The following GALNTL5 variants were observed in gnomAD, a reference collection of about 807,000 sequenced individuals.
GALNTL5 encodes the protein polypeptide N-acetylgalactosaminyltransferase like 5, also known as inactive polypeptide N-acetylgalactosaminyltransferase-like protein 5.
A neutral mutation model predicts 51.0 loss-of-function variants in GALNTL5; 44 were observed. That is an observed-to-expected ratio of 0.86 (90% CI 0.68 to 1.11). The LOEUF is 1.11. GALNTL5 is among the 50% of genes least tolerant of loss of function. The pLI is 0.00. For missense variants in GALNTL5, 528 were observed against 531.8 expected (o/e 0.99, Z 0.07); for synonymous variants, 192 against 182.8 (o/e 1.05, Z -0.41).
At chr7:151,995,509 G>A (rs574349118) in intron 5 of GALNTL5, among the ~76,000 whole-genome samples, 1 of 150,054 alleles carries the variant, frequency 6.7e-6, no homozygotes, top group Non-Finnish European at 1.5e-5. Flanking sequence ...GAGAGAAGGA[G>A]TTTTTTTTTC....
chr7:151,981,022 G>A (rs111642048), intron 3 of GALNTL5, among the ~76,000 whole-genome samples: 3,387 of 152,124 alleles, frequency 0.022, 130 homozygotes, highest in African/African-American at 0.076. Context: ...TGGGATTACA[G>A]GCTTGAGCCA....
intron 3 of GALNTL5, among the ~76,000 whole-genome samples, chr7:151,978,726 C>T (rs960421237): frequency 9.9e-5 from 15 of 152,182 alleles, no homozygotes; most frequent in Admixed American, 9.2e-4. Flanking sequence ...AGGCTCTGTT[C>T]CAGACGTCTC....
In GALNTL5 at chr7:151,967,294, T is replaced by C; in HGVS notation, c.48T>C (p.Phe16=). Residue 16 remains phenylalanine (F), a synonymous_variant, in exon 2 of 9, where the codon TTT becomes TTC. Coordinates refer to ENST00000392800, the MANE Select transcript of GALNTL5 (RefSeq NM_145292.4). ...IQGLFYGSLT[F]GIWTALLFIY... is the part of the protein sequence containing the mutation. ...GTTTATTCTATGGGTCCTTGACATT[T>C]GGGATCTGGACAGCTCTGTTATTCA... 6.2e-7 allele frequency: 1 copy of C among 1,614,020 alleles called. No individual in the cohort carries two copies. The highest frequency in any genetic ancestry group is 1.1e-5 in the South Asian group (1 of 91,078).
At chr7:151,976,907 A>T (rs2081213815) in intron 3 of GALNTL5, among the ~76,000 whole-genome samples, 1 of 152,104 alleles carries the variant, frequency 6.6e-6, no homozygotes. Context: ...ACCTCAGGTG[A>T]TCCAACCACC....
In GALNTL5 at chr7:152,018,459, A is replaced by AT. The variant is rs1008567824; in HGVS notation, c.1177-1177dup. Among the ~76,000 whole-genome samples, 12 of 150,274 alleles carry AT rather than the reference A, an allele frequency of 8.0e-5. No homozygotes were observed. The South Asian group carries it at 1.3e-3, about 16-fold the overall frequency. On this transcript the variant is annotated intron_variant, in intron 8 of 8. Transcript: ENST00000392800. ...CTTGAGCTTATTTTCATGTTTGTTGATTTTTTTTTTCTGTGAACGCTGGTC... is the reference window on the plus strand; with the variant it reads ...CTTGAGCTTATTTTCATGTTTGTTGATTTTTTTTTTTCTGTGAACGCTGGTC...
At chr7:151,993,118 T>C (rs1013856722) in intron 5 of GALNTL5, among the ~76,000 whole-genome samples, 1 of 151,444 alleles carries the variant, frequency 6.6e-6, no homozygotes, top group African/African-American at 2.4e-5. Context: ...CATGCATCCA[T>C]AGCTACTCAG....
In GALNTL5 at chr7:152,014,798, G is replaced by A. The variant is rs770350468; in HGVS notation, c.1176+5G>A. 6.2e-7 allele frequency: 1 copy of A among 1,600,566 alleles called. No individual in the cohort carries two copies. Among genetic ancestry groups the A allele is most frequent in the South Asian group, 1.1e-5 (1 of 88,614 alleles). On this transcript the variant is annotated splice_donor_5th_base_variant and intron_variant, in intron 8 of 8. Coordinates refer to ENST00000392800, the MANE Select transcript of GALNTL5 (RefSeq NM_145292.4). ...GTTTGGCTGGATGAATATAAGGTGG[G>A]GAACACATCCTTGACTTGGAAAATG...
chr7:152,010,913 A>G (rs998301788), intron 7 of GALNTL5, among the ~76,000 whole-genome samples: 2 of 152,204 alleles, frequency 1.3e-5, no homozygotes, highest in Non-Finnish European at 2.9e-5. Flanking sequence ...AGATACATGT[A>G]AAGGATAAAA....
chr7:152,006,281 C>T (rs529738571), intron 6 of GALNTL5, among the ~76,000 whole-genome samples: 54 of 152,126 alleles, frequency 3.5e-4, no homozygotes, highest in African/African-American at 1.2e-3. Flanking sequence ...TGGCGGGAGG[C>T]GAAGCCTGAT....
Position 152,014,671 on chromosome 7 carries a change from A to C in GALNTL5, c.1054A>C (p.Ile352Leu), listed in dbSNP as rs2081782800. ...RIWMCGGQLF[I>L]IPCSRVGHIS... ...CTGGATGTGTGGAGGCCAACTCTTT[A>C]TAATCCCCTGCTCTCGAGTAGGACA... Residue 352 changes from isoleucine to leucine, a missense_variant, in exon 8 of 9, where the codon ATA becomes CTA. Transcript: ENST00000392800. The C allele has an allele frequency of 2.5e-6, 4 of 1,610,762 alleles. No homozygotes were observed. The highest frequency in any genetic ancestry group is 3.4e-6 in the Non-Finnish European group (4 of 1,178,972).
intron 5 of GALNTL5, among the ~76,000 whole-genome samples, chr7:152,000,566 C>G (rs2081562120): frequency 6.6e-6 from 1 of 152,186 alleles, no homozygotes. Flanking sequence ...ATTTCTCCAC[C>G]ACCTCCCCAA....
intron 1 of GALNTL5, among the ~76,000 whole-genome samples, chr7:151,965,987 T>C (rs570503429): frequency 1.3e-5 from 2 of 152,286 alleles, no homozygotes; most frequent in African/African-American, 4.8e-5. Flanking sequence ...ATATAATCAC[T>C]ATTATGTAAA....
chr7:151,992,136 TAGTC>T (rs1407826326), intron 5 of GALNTL5, among the ~76,000 whole-genome samples: 1 of 152,194 alleles, frequency 6.6e-6, no homozygotes, highest in Non-Finnish European at 1.5e-5. Context: ...AGTAAACTCT[TAGTC>T]GTTAGTGGTT....
intron 5 of GALNTL5, among the ~76,000 whole-genome samples, 180 bp from the exon 6 acceptor site, chr7:152,002,534 T>C (rs534200706): frequency 6.6e-6 from 1 of 152,356 alleles, no homozygotes; most frequent in African/African-American, 2.4e-5. Flanking sequence ...TGGCACATGA[T>C]GTTGCATATT....
intron 5 of GALNTL5, among the ~76,000 whole-genome samples, chr7:151,992,453 C>T (rs2081439314): frequency 6.6e-6 from 1 of 152,158 alleles, no homozygotes; most frequent in South Asian, 2.1e-4. Context: ...GGGGAGGCTC[C>T]TTCCCTGCCT....
At chr7:151,995,167 T>A (rs1206723828) in intron 5 of GALNTL5, 1 of 152,254 alleles carries the variant, frequency 6.6e-6, no homozygotes, top group East Asian at 1.9e-4. Flanking sequence ...GGAGCTGAGG[T>A]GGGCAGCCTG....
chr7:152,000,856 G>A (rs1384542021), intron 5 of GALNTL5, among the ~76,000 whole-genome samples: 2 of 149,618 alleles, frequency 1.3e-5, no homozygotes, highest in East Asian at 3.9e-4. Flanking sequence ...CCCCCATTTT[G>A]TGGATTTTTT....
intron 5 of GALNTL5, among the ~76,000 whole-genome samples, chr7:151,996,705 T>C (rs1383311963): frequency 6.6e-6 from 1 of 151,768 alleles, no homozygotes; most frequent in Non-Finnish European, 1.5e-5. Flanking sequence ...GCTATGACTA[T>C]GCCACTGTGC....
chr7:151,959,336 T>C (rs991143734), intron 1 of GALNTL5, among the ~76,000 whole-genome samples: 1 of 152,190 alleles, frequency 6.6e-6, no homozygotes, highest in Non-Finnish European at 1.5e-5. Flanking sequence ...TAGGGAGATA[T>C]GGTGGTAATG....
Sources: gnomAD v4.1 joint callset for allele counts (sites outside exome capture counted in the v4.1 genomes callset) on GRCh38, gnomAD v4.1.1 for gene constraint, MANE v1.5 for transcripts, NCBI Gene and HGNC (gene_info 2026-07-23, HGNC 2026-07-21) for gene names.